The following PLEKHA1 variants were observed in gnomAD, a reference collection of about 807,000 sequenced individuals.
The protein encoded by PLEKHA1 is pleckstrin homology domain-containing family A member 1.
A neutral mutation model predicts 52.0 loss-of-function variants in PLEKHA1; 34 were observed. That is an observed-to-expected ratio of 0.65 (90% CI 0.50 to 0.87). The LOEUF is 0.87. PLEKHA1 is among the 40% of genes least tolerant of loss of function. The pLI is 0.00. For synonymous variants in PLEKHA1, 163 were observed against 170.7 expected, an observed-to-expected ratio of 0.95 and a Z score of 0.35; for missense variants, 497 against 504.2, an observed-to-expected ratio of 0.99 and a Z score of 0.14.
At chr10:122,423,451 A>G in intron 8 of PLEKHA1, 1 of 151,282 alleles carries the variant, frequency 6.6e-6, no homozygotes, top group East Asian at 1.9e-4. Context: ...AAAAAAAACA[A>G]CAACACTCTG....
intron 2 of PLEKHA1, among the ~76,000 whole-genome samples, chr10:122,397,636 T>G (rs1428356267): frequency 1.3e-5 from 2 of 152,124 alleles, no homozygotes; most frequent in Non-Finnish European, 2.9e-5. Context: ...TGTTCATGGC[T>G]TTTTAAGCTC....
In PLEKHA1 at chr10:122,427,050, G is replaced by C. The variant is rs766650576; in HGVS notation, c.900+19G>C. ...GTCTTCTGTAGGTTTCCTGCTCTCT[G>C]GGGTGATACTCCCTTGCGTCTCCCC... On this transcript the variant is annotated intron_variant, in intron 11 of 11. Coordinates refer to ENST00000368990, the MANE Select transcript of PLEKHA1 (RefSeq NM_001001974.4). The C allele has an allele frequency of 1.3e-6, 2 of 1,596,904 alleles. No homozygotes were observed. Among genetic ancestry groups the C allele is most frequent in the African/African-American group, 1.3e-5 (1 of 74,588 alleles).
At chr10:122,398,028 G>C in intron 3 of PLEKHA1, 54 bp downstream of exon 3, 1 of 1,422,014 alleles carries the variant, frequency 7.0e-7, no homozygotes, top group East Asian at 2.3e-5. Flanking sequence ...CTGTGAATGA[G>C]AGTATGAATA....
chr10:122,432,401 A>G (rs1174808367), downstream of PLEKHA1: 1 of 152,184 alleles, frequency 6.6e-6, no homozygotes, highest in Non-Finnish European at 1.5e-5. Context: ...AAGTAAATAC[A>G]ATGATTAGGG....
chr10:122,428,854 A>G (rs745477504), intron 11 of PLEKHA1, among the ~76,000 whole-genome samples: 2 of 152,198 alleles, frequency 1.3e-5, no homozygotes, highest in Non-Finnish European at 2.9e-5. Context: ...ATACTAGTAT[A>G]TAGCAATGTA....
intron 1 of PLEKHA1, among the ~76,000 whole-genome samples, chr10:122,376,794 C>A (rs1445297138): frequency 6.6e-6 from 1 of 152,082 alleles, no homozygotes; most frequent in Non-Finnish European, 1.5e-5. Flanking sequence ...GCCGGAAGGA[C>A]CTTTTTAGAA....
chr10:122,425,056 TAA>T, intron 10 of PLEKHA1, 97 bp downstream of exon 10: 1 of 1,058,908 alleles, frequency 9.4e-7, no homozygotes, highest in South Asian at 1.6e-5. Context: ...CACTTGAGGT[TAA>T]AAAAATATGA....
chr10:122,426,806 A>C (rs2097345845), intron 10 of PLEKHA1, 136 bp from the exon 11 acceptor site: 1 of 752,486 alleles, frequency 1.3e-6, no homozygotes, highest in Non-Finnish European at 2.1e-6. Context: ...AATGATTTCT[A>C]AATTTTTTGG....
chr10:122,417,874 CT>C (rs769674341), intron 7 of PLEKHA1, 25 bp from the exon 8 acceptor site: 2 of 1,565,006 alleles, frequency 1.3e-6, no homozygotes, highest in Admixed American at 3.3e-5. Context: ...AAACACAAGT[CT>C]TATGTCTGTG....
intron 1 of PLEKHA1, chr10:122,386,602 C>T (rs1744621363): frequency 1.3e-5 from 2 of 152,128 alleles, no homozygotes; most frequent in South Asian, 4.1e-4. Context: ...GTTCTGGAAG[C>T]TTTGACATTT....
chr10:122,392,681 G>T (rs751402235), intron 1 of PLEKHA1, among the ~76,000 whole-genome samples: 6 of 152,132 alleles, frequency 3.9e-5, no homozygotes, highest in Non-Finnish European at 5.9e-5. Flanking sequence ...TTCCTTATCT[G>T]CTGGGGATGA....
intron 11 of PLEKHA1, chr10:122,428,169 TG>T: frequency 9.5e-7 from 1 of 1,054,338 alleles, no homozygotes; most frequent in Non-Finnish European, 1.2e-6. Flanking sequence ...TGCTTTGTGG[TG>T]GGGGCAGATT....
At chr10:122,379,167 C>A (rs2096580028) in intron 1 of PLEKHA1, among the ~76,000 whole-genome samples, 2 of 150,774 alleles carry the variant, frequency 1.3e-5, no homozygotes, top group South Asian at 4.3e-4. Context: ...ACACACCCAT[C>A]TGCTTGCTCC....
chr10:122,376,987 CAA>C (rs1462175664), intron 1 of PLEKHA1, among the ~76,000 whole-genome samples: 1 of 152,160 alleles, frequency 6.6e-6, no homozygotes, highest in Non-Finnish European at 1.5e-5. Context: ...GAGATTTAAA[CAA>C]AGTGGCTTTT....
At chr10:122,405,799 C>T (rs562562019) in intron 4 of PLEKHA1, among the ~76,000 whole-genome samples, 8 of 152,176 alleles carry the variant, frequency 5.3e-5, no homozygotes, top group Admixed American at 4.6e-4. Context: ...CTATTAGTAT[C>T]CAAGGGGACT....
chr10:122,391,515 G>A (rs1396603824), intron 1 of PLEKHA1, among the ~76,000 whole-genome samples: 1 of 152,084 alleles, frequency 6.6e-6, no homozygotes, highest in Admixed American at 6.6e-5. Flanking sequence ...TTGTTGAAGA[G>A]GCTTTTTTCC....
In PLEKHA1 at chr10:122,427,076, C is replaced by G. The variant is rs202173662; in HGVS notation, c.900+45C>G. On this transcript the variant is annotated intron_variant, in intron 11 of 11. Coordinates refer to ENST00000368990, the MANE Select transcript of PLEKHA1 (RefSeq NM_001001974.4). ...GGGTGATACTCCCTTGCGTCTCCCC[C>G]ATCCTATCAAATTTCCTCTCTCCCA... 21 of 1,514,532 alleles carry G rather than the reference C, an allele frequency of 1.4e-5. No individual in the cohort carries two copies. The African/African-American group carries it at 2.5e-4, about 18-fold the overall frequency. The allele number at this position is 1,514,532 out of a possible 1,614,324, so 93.8% of individuals were successfully genotyped here.
chr10:122,396,559 C>T lies in PLEKHA1; in HGVS notation c.142-1359C>T, dbSNP rs369585334. Among the ~76,000 whole-genome samples the T allele has an allele frequency of 2.0e-5, 3 of 152,116 alleles. No individual in the cohort carries two copies. The East Asian group carries it at 5.8e-4, about 29-fold the overall frequency. On this transcript the variant is annotated intron_variant, in intron 2 of 11. Transcript: ENST00000368990. ...GTGAAAGTTTTTAAAAGATCTGTCC[C>T]TGTCAACAATAAGCAGTTCATGTTT...
chr10:122,435,508 GAT>G (rs1315770125), downstream of PLEKHA1: 1 of 152,118 alleles, frequency 6.6e-6, no homozygotes, highest in Non-Finnish European at 1.5e-5. Flanking sequence ...AATTAGATAA[GAT>G]ATGTGATTGC....
Sources: gnomAD v4.1 joint callset for allele counts (sites outside exome capture counted in the v4.1 genomes callset) on GRCh38, gnomAD v4.1.1 for gene constraint, MANE v1.5 for transcripts, NCBI Gene and HGNC (gene_info 2026-07-23, HGNC 2026-07-21) for gene names.